Variants in KLRG1 observed in about 807,000 individuals in gnomAD.
KLRG1 encodes the protein killer cell lectin like receptor G1.
Under a neutral mutation model 21.8 loss-of-function variants are expected in KLRG1, and 16 were observed. That is an observed-to-expected ratio of 0.73 (90% CI 0.50 to 1.11). The LOEUF is 1.11. KLRG1 is among the 50% of genes most tolerant of loss of function. The pLI, the probability that KLRG1 is intolerant of heterozygous loss-of-function variation, is 0.00. For synonymous variants in KLRG1, 69 were observed against 75.9 expected, an observed-to-expected ratio of 0.91 and a Z score of 0.47; for missense variants, 173 against 218.3, an observed-to-expected ratio of 0.79 and a Z score of 1.31.
At chr12:9,183,590 T>C in the KLRG1 span, among the ~76,000 whole-genome samples, 1 of 152,122 alleles carries the variant, frequency 6.6e-6, no homozygotes, top group Non-Finnish European at 1.5e-5. Flanking sequence ...TTTGTAGAGA[T>C]AGGATCTTGC....
At chr12:9,167,257 C>T in the KLRG1 span, 5 of 152,204 alleles carry the variant, frequency 3.3e-5, no homozygotes, top group Admixed American at 2.0e-4. Context: ...CCAGTTATTG[C>T]AGTTAACAAA....
chr12:8,959,665 A>T (rs997703127), intron 1 of KLRG1, among the ~76,000 whole-genome samples: 1 of 152,174 alleles, frequency 6.6e-6, no homozygotes, highest in African/African-American at 2.4e-5. Context: ...CCCTCGGGCT[A>T]TGACAAATAG....
chr12:9,152,272 A>G, the KLRG1 span: 2 of 1,613,408 alleles, frequency 1.2e-6, no homozygotes, highest in Non-Finnish European at 1.7e-6. Flanking sequence ...CTTTACATCA[A>G]CAATCACCAT....
At chr12:9,132,756 G>A in the KLRG1 span, among the ~76,000 whole-genome samples, 3 of 152,164 alleles carry the variant, frequency 2.0e-5, no homozygotes, top group Non-Finnish European at 4.4e-5. Flanking sequence ...GGAGAGAGAA[G>A]TTGTGTTACT....
At chr12:9,017,355 A>G in the KLRG1 span, among the ~76,000 whole-genome samples, 4 of 152,072 alleles carry the variant, frequency 2.6e-5, no homozygotes, top group Admixed American at 2.6e-4. Context: ...CATTGATGCA[A>G]AAATTTCCTA....
chr12:9,201,215 G>A, the KLRG1 span: 1 of 1,328,388 alleles, frequency 7.5e-7, no homozygotes, highest in Non-Finnish European at 1.1e-6. Flanking sequence ...GGGAGTAGGA[G>A]GAATTCAGAT....
At chr12:9,197,642 T>TTA in the KLRG1 span, among the ~76,000 whole-genome samples, 30,663 of 64,260 alleles carry the variant, frequency 0.48, 9,960 homozygotes, top group Admixed American at 0.56. Context: ...ATATATTATA[T>TTA]TATATAATAT....
the KLRG1 span, chr12:9,107,734 A>G: frequency 1.4e-6 from 2 of 1,478,406 alleles, no homozygotes; most frequent in Non-Finnish European, 1.9e-6. Context: ...GCTACAGTAT[A>G]TTCCCTGTCT....
At chr12:9,179,731 T>C in the KLRG1 span, among the ~76,000 whole-genome samples, 62 of 152,190 alleles carry the variant, frequency 4.1e-4, no homozygotes, top group African/African-American at 1.4e-3. Flanking sequence ...AACTAATACT[T>C]TGGCAACACA....
At chr12:9,140,648 T>G in the KLRG1 span, among the ~76,000 whole-genome samples, 2 of 152,244 alleles carry the variant, frequency 1.3e-5, no homozygotes, top group Admixed American at 1.3e-4. Context: ...ATAAGGCCTT[T>G]TAAAGCTGAG....
At chr12:9,051,929 A>G in the KLRG1 span, among the ~76,000 whole-genome samples, 1 of 152,168 alleles carries the variant, frequency 6.6e-6, no homozygotes, top group Admixed American at 6.5e-5. Context: ...AATCAACAGG[A>G]TGTTCTCTGT....
At chr12:9,167,830 A>G in the KLRG1 span, among the ~76,000 whole-genome samples, 1 of 152,212 alleles carries the variant, frequency 6.6e-6, no homozygotes, top group Non-Finnish European at 1.5e-5. Flanking sequence ...TCAATGGTTT[A>G]AACTTGAAGT....
At chr12:9,050,924 T>C in the KLRG1 span, among the ~76,000 whole-genome samples, 2 of 152,140 alleles carry the variant, frequency 1.3e-5, no homozygotes, top group African/African-American at 4.8e-5. Flanking sequence ...GATCTTGGAA[T>C]GAGGACTTGG....
the KLRG1 span, chr12:9,192,759 A>C: frequency 6.6e-7 from 1 of 1,511,918 alleles, no homozygotes; most frequent in Non-Finnish European, 9.2e-7. Flanking sequence ...CAGAAAAGCA[A>C]AGAAAGAATA....
the KLRG1 span, among the ~76,000 whole-genome samples, chr12:9,042,070 G>A: frequency 6.6e-6 from 1 of 152,114 alleles, no homozygotes; most frequent in Non-Finnish European, 1.5e-5. Context: ...CTAGAAAAAA[G>A]GTCGCTTGTG....
intron 3 of KLRG1, among the ~76,000 whole-genome samples, chr12:9,002,501 A>T (rs904777165): frequency 3.3e-5 from 5 of 152,126 alleles, no homozygotes; most frequent in Non-Finnish European, 7.3e-5. Context: ...GTGACATAAC[A>T]CCTAAGTGTT....
the KLRG1 span, among the ~76,000 whole-genome samples, chr12:9,183,956 C>T: frequency 6.6e-6 from 1 of 152,078 alleles, no homozygotes; most frequent in Non-Finnish European, 1.5e-5. Context: ...GCTCAGACCT[C>T]AAAAAGGAAA....
the KLRG1 span, chr12:9,091,104 C>G: frequency 4.4e-6 from 6 of 1,365,232 alleles, no homozygotes; most frequent in Non-Finnish European, 6.1e-6. Flanking sequence ...ATCTAGTAAG[C>G]ATATTTTGCA....
At chr12:9,072,463 G>A in the KLRG1 span, 2 of 1,612,412 alleles carry the variant, frequency 1.2e-6, no homozygotes, top group Non-Finnish European at 1.7e-6. Flanking sequence ...CCTTTTCTGG[G>A]AGAATATTGT....
Sources: gnomAD v4.1 joint callset for allele counts (sites outside exome capture counted in the v4.1 genomes callset) on GRCh38, gnomAD v4.1.1 for gene constraint, MANE v1.5 for transcripts, NCBI Gene and HGNC (gene_info 2026-07-23, HGNC 2026-07-21) for gene names.